LRFN2: variants seen among roughly 807,000 people sequenced by gnomAD.
The protein encoded by LRFN2 is leucine rich repeat and fibronectin type III domain containing 2, also known as leucine-rich repeat and fibronectin type-III domain-containing protein 2.
LRFN2 carries 18 observed loss-of-function variants against 37.3 expected under a neutral mutation model. The ratio of observed to expected loss-of-function variants is 0.48; its 90% CI spans 0.33 to 0.72. The LOEUF (loss-of-function observed/expected upper bound fraction) is 0.72, where lower values mean the gene tolerates loss of function less well. LRFN2 is among the 30% of genes least tolerant of loss of function. The probability of loss-of-function intolerance (pLI) is 0.02; values close to 1 mark genes in which losing one functional copy is unlikely to be tolerated. For missense variants in LRFN2, 1,006 were observed against 1,060.7 expected (o/e 0.95, Z 0.72); for synonymous variants, 556 against 466.6 (o/e 1.19, Z -2.47).
intron 1 of LRFN2, among the ~76,000 whole-genome samples, chr6:40,582,588 A>G (rs1045938670): frequency 3.3e-5 from 5 of 151,944 alleles, no homozygotes; most frequent in African/African-American, 1.2e-4. Flanking sequence ...CATTCAAAAA[A>G]GCAGGCCCAG....
intron 1 of LRFN2, among the ~76,000 whole-genome samples, chr6:40,437,695 C>A (rs1418333637): frequency 6.6e-6 from 1 of 152,078 alleles, no homozygotes; most frequent in East Asian, 1.9e-4. Flanking sequence ...GCTTAAATCC[C>A]AAGTTGGGAG....
chr6:40,472,846 G>T (rs1561869651), intron 1 of LRFN2, among the ~76,000 whole-genome samples: 1 of 152,114 alleles, frequency 6.6e-6, no homozygotes, highest in South Asian at 2.1e-4. Flanking sequence ...TATTGGCTCT[G>T]AACTTTCAGT....
At chr6:40,436,456 A>G (rs1763677752) in intron 1 of LRFN2, among the ~76,000 whole-genome samples, 1 of 152,084 alleles carries the variant, frequency 6.6e-6, no homozygotes, top group South Asian at 2.1e-4. Flanking sequence ...TGTCCTTTAC[A>G]GAAAGAGTTT....
intron 1 of LRFN2, among the ~76,000 whole-genome samples, chr6:40,486,978 G>A (rs144082294): frequency 6.6e-6 from 1 of 152,302 alleles, no homozygotes; most frequent in African/African-American, 2.4e-5. Context: ...TCTGGATGCA[G>A]AGTGAGGAAA....
intron 1 of LRFN2, among the ~76,000 whole-genome samples, chr6:40,504,381 C>T (rs1765472087): frequency 6.6e-6 from 1 of 152,174 alleles, no homozygotes; most frequent in Non-Finnish European, 1.5e-5. Flanking sequence ...ACATGAAAGG[C>T]TTAGCACAGT....
intron 2 of LRFN2, among the ~76,000 whole-genome samples, chr6:40,396,542 C>T (rs1465188189): frequency 1.3e-5 from 2 of 152,150 alleles, no homozygotes; most frequent in African/African-American, 4.8e-5. Context: ...AAGGCTGATT[C>T]TTGGCGGGCC....
chr6:40,534,383 C>A (rs187024528), intron 1 of LRFN2, among the ~76,000 whole-genome samples: 3 of 152,170 alleles, frequency 2.0e-5, no homozygotes, highest in Non-Finnish European at 4.4e-5. Flanking sequence ...CACAAGAGGG[C>A]TCCCCAGACC....
At chr6:40,477,619 G>A (rs1002032385) in intron 1 of LRFN2, among the ~76,000 whole-genome samples, 1 of 152,264 alleles carries the variant, frequency 6.6e-6, no homozygotes, top group South Asian at 2.1e-4. Context: ...CCCAGCAGGC[G>A]CTGCAGGAAT....
intron 1 of LRFN2, among the ~76,000 whole-genome samples, chr6:40,469,883 C>G (rs902220630): frequency 1.3e-5 from 2 of 152,216 alleles, no homozygotes; most frequent in African/African-American, 2.4e-5. Context: ...TGCACACACC[C>G]TGTAAACCAT....
chr6:40,559,443 C>T (rs911106154), intron 1 of LRFN2, among the ~76,000 whole-genome samples: 1 of 152,138 alleles, frequency 6.6e-6, no homozygotes, highest in Non-Finnish European at 1.5e-5. Context: ...CCTGGGAATC[C>T]CCAGTTCAGC....
At chr6:40,560,253 G>A (rs1403277119) in intron 1 of LRFN2, among the ~76,000 whole-genome samples, 2 of 152,144 alleles carry the variant, frequency 1.3e-5, no homozygotes, top group Admixed American at 6.5e-5. Context: ...CAGGGACAGC[G>A]CTCTAACCAG....
intron 2 of LRFN2, among the ~76,000 whole-genome samples, chr6:40,404,146 C>G (rs1039974184): frequency 2.0e-5 from 3 of 152,214 alleles, no homozygotes; most frequent in African/African-American, 7.2e-5. Context: ...GCTTGTTACT[C>G]CACTCCATTT....
At position 40,479,030 on chromosome 6, in the gene LRFN2, G is replaced by T. The variant is rs199968745; in HGVS notation, c.-18-45899C>A. Among the ~76,000 whole-genome samples the T allele has an allele frequency of 2.6e-5, 4 of 152,326 alleles. No individual in the cohort carries two copies. In the East Asian group the frequency reaches 7.7e-4, roughly 29 times the overall value. On this transcript the variant is annotated intron_variant, in intron 1 of 2. Coordinates refer to ENST00000338305, the MANE Select transcript of LRFN2 (RefSeq NM_020737.3). ...GTTGAGGCACAGGTTCGGAAATTTTGTCTGGCTTAAAACCAAGTTCCCACA... is the reference window on the plus strand; with the variant it reads ...GTTGAGGCACAGGTTCGGAAATTTTTTCTGGCTTAAAACCAAGTTCCCACA...
chr6:40,514,315 GTTTGT>G (rs1202996649), intron 1 of LRFN2, among the ~76,000 whole-genome samples: 1 of 151,816 alleles, frequency 6.6e-6, no homozygotes. Flanking sequence ...AGTTTTTTTT[GTTTGT>G]TTTGTTTTTT....
chr6:40,479,380 C>T (rs1369791029), intron 1 of LRFN2, among the ~76,000 whole-genome samples: 4 of 152,224 alleles, frequency 2.6e-5, no homozygotes, highest in Non-Finnish European at 5.9e-5. Flanking sequence ...GGCACTGGCC[C>T]TACAAGACAA....
chr6:40,483,406 G>A (rs537659338), intron 1 of LRFN2, among the ~76,000 whole-genome samples: 11 of 152,178 alleles, frequency 7.2e-5, no homozygotes, highest in Non-Finnish European at 1.5e-4. Context: ...GGGTTCACCC[G>A]TGCTTCCTGG....
At chr6:40,567,648 A>C (rs1767112644) in intron 1 of LRFN2, among the ~76,000 whole-genome samples, 4 of 152,248 alleles carry the variant, frequency 2.6e-5, no homozygotes, top group Admixed American at 2.6e-4. Context: ...AGAGGGAAAG[A>C]ATAGCAATTA....
intron 1 of LRFN2, among the ~76,000 whole-genome samples, chr6:40,524,469 C>A (rs971416441): frequency 1.2e-4 from 18 of 151,474 alleles, no homozygotes; most frequent in Non-Finnish European, 2.9e-5. Flanking sequence ...ACCCCTGCAG[C>A]CCTCATCTCT....
intron 1 of LRFN2, among the ~76,000 whole-genome samples, chr6:40,549,959 A>G (rs1162309625): frequency 2.0e-5 from 3 of 152,138 alleles, no homozygotes; most frequent in Non-Finnish European, 4.4e-5. Context: ...GCTTGAACCC[A>G]GGAGGCGGAG....
Sources: allele counts gnomAD v4.1 joint callset (sites outside exome capture counted in the v4.1 genomes callset), GRCh38; gene constraint gnomAD v4.1.1; transcripts MANE v1.5; gene names NCBI Gene and HGNC (gene_info 2026-07-23, HGNC 2026-07-21).